PIEZO2: variants seen among roughly 807,000 people sequenced by gnomAD.
PIEZO2 encodes piezo type mechanosensitive ion channel component 2.
A neutral mutation model predicts 337.3 loss-of-function variants in PIEZO2; 172 were observed. The observed-to-expected ratio is 0.51, with a 90% CI of 0.45 to 0.58. PIEZO2 has a LOEUF of 0.58. Among genes scored for constraint, PIEZO2 ranks in the 20% least tolerant of loss-of-function variants. PIEZO2 has a pLI of 0.00. For synonymous variants in PIEZO2, 1,251 were observed against 1,228.5 expected, an observed-to-expected ratio of 1.02 and a Z score of -0.38; for missense variants, 3,028 against 3,391.3, an observed-to-expected ratio of 0.89 and a Z score of 2.66.
intron 7 of PIEZO2, among the ~76,000 whole-genome samples, chr18:10,814,693 G>C (rs2040308819): frequency 6.6e-6 from 1 of 152,180 alleles, no homozygotes; most frequent in African/African-American, 2.4e-5. Context: ...TCCCTGGAAA[G>C]GGTTTGGTGA....
At chr18:10,927,941 A>G (rs921737434) in intron 3 of PIEZO2, among the ~76,000 whole-genome samples, 5 of 152,114 alleles carry the variant, frequency 3.3e-5, no homozygotes, top group African/African-American at 4.8e-5. Context: ...AGAGGGCAGG[A>G]GACCAAACCC....
chr18:10,857,208 C>T lies in PIEZO2; in HGVS notation c.496G>A (p.Glu166Lys). The T allele has an allele frequency of 3.3e-6, 5 of 1,537,552 alleles. No homozygotes were observed. Among genetic ancestry groups the T allele is most frequent in the Non-Finnish European group, 4.4e-6 (5 of 1,146,932 alleles). The change falls in exon 6 of 56, where the codon GAA (glutamate) becomes AAA (lysine). Residue 166 changes from glutamate to lysine, a missense_variant. Physicochemically the swap from Glu to Lys is moderately conservative, Grantham distance 56 (BLOSUM62 1). Transcript: ENST00000674853. ...TCTTCTGAATCAATTTTTTCTCCTT[C>T]AGCCTAAATAAATGACAAACAGGAA... is the stretch of plus-strand genomic sequence containing the variant. ...NPEFENEELAEGEKIDSEEAL... is the reference protein window; with the variant it reads ...NPEFENEELAKGEKIDSEEAL...
In PIEZO2 at chr18:10,988,403, G is replaced by A. The variant is rs1455737558; in HGVS notation, c.161-8743C>T. ...AATGTATTAAGAAAGCCTCACACCTGTTAAGATGACTATTTTTGAAAAACA... is the reference window on the plus strand; with the variant it reads ...AATGTATTAAGAAAGCCTCACACCTATTAAGATGACTATTTTTGAAAAACA... On this transcript the variant is annotated intron_variant, in intron 2 of 55. Transcript: ENST00000674853. The surrounding 1 kb of genome is among the most constrained non-coding windows in gnomAD (Gnocchi z 4.8). 6.6e-6 allele frequency among the ~76,000 whole-genome samples: 1 copy of A among 152,176 alleles called. No individual in the cohort carries two copies. Among genetic ancestry groups the A allele is most frequent in the African/African-American group, 2.4e-5 (1 of 41,460 alleles).
chr18:10,770,026 TGG>T lies in PIEZO2; in HGVS notation c.2946+120_2946+121del, dbSNP rs2038531402. Reference sequence around the variant, plus strand: ...TTCTGTAAGTGTAAGTACTTAGTCTTGGAGTCTTGATACTCCGATGTAATGCG... The same window carrying T: ...TTCTGTAAGTGTAAGTACTTAGTCTTAGTCTTGATACTCCGATGTAATGCG... On this transcript the variant is annotated intron_variant, in intron 21 of 55. Coordinates refer to ENST00000674853, the MANE Select transcript of PIEZO2 (RefSeq NM_001378183.1). 4 of 1,059,346 alleles carry T rather than the reference TGG, an allele frequency of 3.8e-6. 1 individual carries two copies. Among genetic ancestry groups the T allele is most frequent in the Non-Finnish European group, 5.3e-6 (4 of 754,418 alleles). The allele number at this position is 1,059,346 out of a possible 1,614,324, so 65.6% of individuals were successfully genotyped here. A position where few individuals can be genotyped will look rare whatever the true frequency, so the allele number is the denominator to read the frequency against.
At chr18:11,000,350 T>C (rs904446694) in intron 2 of PIEZO2, among the ~76,000 whole-genome samples, 1 of 152,240 alleles carries the variant, frequency 6.6e-6, no homozygotes, top group Admixed American at 6.5e-5. Context: ...TTTTTTCCTT[T>C]TCCCTCCCAT....
chr18:10,946,150 A>T (rs1441482182), intron 3 of PIEZO2, among the ~76,000 whole-genome samples: 2 of 152,170 alleles, frequency 1.3e-5, no homozygotes, highest in African/African-American at 4.8e-5. Flanking sequence ...AGATAAAGAA[A>T]ATCACCCTAT....
intron 1 of PIEZO2, among the ~76,000 whole-genome samples, chr18:11,113,413 G>A (rs1421291964): frequency 6.6e-6 from 1 of 152,130 alleles, no homozygotes; most frequent in Non-Finnish European, 1.5e-5. Context: ...ACTCCCCCTT[G>A]AGCAAATAAC....
chr18:10,981,544 A>G (rs1221345840), intron 2 of PIEZO2, among the ~76,000 whole-genome samples: 1 of 152,208 alleles, frequency 6.6e-6, no homozygotes, highest in African/African-American at 2.4e-5. Context: ...GATAATACTC[A>G]TGGCTGACTA....
chr18:11,106,694 G>A (rs9952732), intron 1 of PIEZO2, among the ~76,000 whole-genome samples: 3 of 152,044 alleles, frequency 2.0e-5, no homozygotes, highest in African/African-American at 7.3e-5. Context: ...GATGACAGGG[G>A]TGAGCCACTG....
chr18:10,970,281 T>A (rs531505772), intron 3 of PIEZO2, among the ~76,000 whole-genome samples: 1 of 152,202 alleles, frequency 6.6e-6, no homozygotes, highest in East Asian at 1.9e-4. Context: ...GGCCAGGCAA[T>A]AGAAAGCTTA....
At chr18:11,052,542 T>A (rs966379815) in intron 2 of PIEZO2, among the ~76,000 whole-genome samples, 2 of 152,222 alleles carry the variant, frequency 1.3e-5, no homozygotes, top group African/African-American at 4.8e-5. Context: ...AAGTCTAATT[T>A]AATCAGTTTA....
intron 1 of PIEZO2, among the ~76,000 whole-genome samples, chr18:11,123,970 A>G (rs1380591619): frequency 6.6e-6 from 1 of 152,258 alleles, no homozygotes; most frequent in Non-Finnish European, 1.5e-5. Flanking sequence ...ATAATGTTAA[A>G]TAGCTTGATT....
intron 1 of PIEZO2, among the ~76,000 whole-genome samples, chr18:11,118,738 C>T (rs184923950): frequency 2.4e-4 from 34 of 142,060 alleles, no homozygotes; most frequent in African/African-American, 2.4e-5. Context: ...AAATCACATC[C>T]TTTAGATCAG....
rs2033397759 is a variant in PIEZO2 at position 10,953,707 on chromosome 18, A to G, written c.286+25828T>C. Among the ~76,000 whole-genome samples, 1 of 152,058 alleles carries G rather than the reference A, an allele frequency of 6.6e-6. No individual in the cohort carries two copies. The highest frequency in any genetic ancestry group is 1.5e-5 in the Non-Finnish European group (1 of 68,028). On this transcript the variant is annotated intron_variant, in intron 3 of 55. Coordinates refer to ENST00000674853, the MANE Select transcript of PIEZO2 (RefSeq NM_001378183.1). The surrounding 1 kb of genome is among the most constrained non-coding windows in gnomAD (Gnocchi z 5.2). ...AGAATGAGATGGTTGAACACATCGC[A>G]ACACTGGGCAGATAGATGGGCAGCA...
In PIEZO2 at chr18:10,676,965, G is replaced by T. The variant is rs866023681; in HGVS notation, c.8081+782C>A. On this transcript the variant is annotated intron_variant, in intron 53 of 55. Coordinates refer to ENST00000674853, the MANE Select transcript of PIEZO2 (RefSeq NM_001378183.1). This position sits in a 1 kb window ranked among gnomAD's most constrained non-coding sequence, Gnocchi z 5.1. ...ATACCACTGGGCACATACTATGTTGGGCCATATGAACCCAGGTGGACCTGC... is the reference window on the plus strand; with the variant it reads ...ATACCACTGGGCACATACTATGTTGTGCCATATGAACCCAGGTGGACCTGC... Among the ~76,000 whole-genome samples, 30 of 152,274 alleles carry T rather than the reference G, an allele frequency of 2.0e-4. No homozygotes were observed. The highest frequency in any genetic ancestry group is 6.2e-4 in the South Asian group (3 of 4,830).
intron 2 of PIEZO2, among the ~76,000 whole-genome samples, chr18:11,024,460 G>A (rs2036451678): frequency 6.7e-6 from 1 of 150,198 alleles, no homozygotes; most frequent in Admixed American, 6.6e-5. Context: ...GCAGGAGAAT[G>A]GTGTGAACCC....
chr18:11,020,195 T>A (rs556124585), intron 2 of PIEZO2, among the ~76,000 whole-genome samples: 2 of 152,256 alleles, frequency 1.3e-5, no homozygotes, highest in African/African-American at 4.8e-5. Flanking sequence ...TTTTAAAAGA[T>A]GAGATTGTGA....
At chr18:10,718,111 A>G (rs945332829) in intron 37 of PIEZO2, 89 bp downstream of exon 37, 4 of 1,176,524 alleles carry the variant, frequency 3.4e-6, no homozygotes, top group African/African-American at 1.5e-5. Flanking sequence ...TTCGATTCAC[A>G]ATTTTTCAGG....
At position 11,132,930 on chromosome 18, in the gene PIEZO2, C is replaced by A. The variant is rs1189000136; in HGVS notation, c.64+15595G>T. ...CAACAGCCCAAACCAGGCAGCACTACAAATGACCCAAACCCTTCAGGAATG... is the reference window on the plus strand; with the variant it reads ...CAACAGCCCAAACCAGGCAGCACTAAAAATGACCCAAACCCTTCAGGAATG... On this transcript the variant is annotated intron_variant, in intron 1 of 55. Coordinates refer to ENST00000674853, the MANE Select transcript of PIEZO2 (RefSeq NM_001378183.1). The surrounding 1 kb of genome is among the most constrained non-coding windows in gnomAD (Gnocchi z 4.7). Among the ~76,000 whole-genome samples the A allele has an allele frequency of 6.6e-6, 1 of 152,226 alleles. No homozygotes were observed. Among genetic ancestry groups the A allele is most frequent in the East Asian group, 1.9e-4 (1 of 5,164 alleles).
Sources: gnomAD v4.1 joint callset for allele counts (sites outside exome capture counted in the v4.1 genomes callset) on GRCh38, gnomAD v4.1.1 for gene constraint, Gnocchi (gnomAD v3.1) non-coding constraint, MANE v1.5 for transcripts, NCBI Gene and HGNC (gene_info 2026-07-23, HGNC 2026-07-21) for gene names.